Variants in APCDD1L observed in about 807,000 individuals in gnomAD.
APCDD1L encodes protein APCDD1-like.
In APCDD1L, 21 loss-of-function variants were observed where a neutral mutation model predicts 24.2. The ratio of observed to expected loss-of-function variants is 0.87; its 90% CI spans 0.61 to 1.25. The LOEUF (loss-of-function observed/expected upper bound fraction) is 1.25. Ranked by LOEUF, APCDD1L falls within the 50% of genes most tolerant of loss-of-function variation. The pLI, the probability that APCDD1L is intolerant of heterozygous loss-of-function variation, is 0.00. For synonymous variants in APCDD1L, 321 were observed against 323.6 expected, an observed-to-expected ratio of 0.99 and a Z score of 0.09; for missense variants, 704 against 711.7, an observed-to-expected ratio of 0.99 and a Z score of 0.12.
Position 58,461,683 on chromosome 20 carries a change from C to T in APCDD1L, c.742-129G>A. ...GGTGCGGCCTGTCCCTCCCTCCTCT[C>T]TCTCCTCACTCCCTGCCTTCAGTCA... On this transcript the variant is annotated intron_variant, in intron 3 of 3. Transcript: ENST00000371149. The surrounding 1 kb of genome is among the most constrained non-coding windows in gnomAD (Gnocchi z 6.0). 1 of 941,172 alleles carries T rather than the reference C, an allele frequency of 1.1e-6. No homozygotes were observed. The highest frequency in any genetic ancestry group is 1.4e-6 in the Non-Finnish European group (1 of 708,668). The allele number at this position is 941,172 out of a possible 1,614,324, so 58.3% of individuals were successfully genotyped here.
At chr20:58,480,271 C>T (rs1989999139) in intron 1 of APCDD1L, among the ~76,000 whole-genome samples, 1 of 152,210 alleles carries the variant, frequency 6.6e-6, no homozygotes, top group Non-Finnish European at 1.5e-5. Flanking sequence ...AATGTGCCCT[C>T]CTCTGCTCAG....
chr20:58,505,960 C>A (rs1033933337), intron 1 of APCDD1L, among the ~76,000 whole-genome samples: 5 of 152,110 alleles, frequency 3.3e-5, no homozygotes, highest in Non-Finnish European at 7.4e-5. Context: ...CTGGCAAATA[C>A]CAGAAGCTGG....
chr20:58,476,983 G>GT (rs1989922491), intron 1 of APCDD1L, among the ~76,000 whole-genome samples: 1 of 152,140 alleles, frequency 6.6e-6, no homozygotes, highest in Admixed American at 6.5e-5. Flanking sequence ...CTTCTCTCCT[G>GT]TGCAGCACTC....
rs533140176 is a variant in APCDD1L, at chr20:58,477,760, A to G, written c.50-7013T>C. 7.5e-4 allele frequency among the ~76,000 whole-genome samples: 114 copies of G among 152,298 alleles called. 1 individual carries two copies. Among genetic ancestry groups the G allele is most frequent in the Non-Finnish European group, 1.2e-3 (85 of 68,020 alleles). ...TATTGGTGGTGTTTTCCAAATGGTCATTCTCTAGTTCCATCACTCTTTCTG... is the reference window on the plus strand; with the variant it reads ...TATTGGTGGTGTTTTCCAAATGGTCGTTCTCTAGTTCCATCACTCTTTCTG... On this transcript the variant is annotated intron_variant, in intron 1 of 3. Transcript: ENST00000371149.
At chr20:58,505,740 C>T (rs535561700) in intron 1 of APCDD1L, among the ~76,000 whole-genome samples, 1 of 152,028 alleles carries the variant, frequency 6.6e-6, no homozygotes, top group Non-Finnish European at 1.5e-5. Flanking sequence ...CAGATTGTGA[C>T]CTTATTTGGA....
chr20:58,480,899 A>C (rs974607081), intron 1 of APCDD1L, among the ~76,000 whole-genome samples: 2 of 152,230 alleles, frequency 1.3e-5, no homozygotes. Context: ...GAGCCAAGGA[A>C]GCAGGGTGAC....
intron 1 of APCDD1L, among the ~76,000 whole-genome samples, chr20:58,473,609 C>A (rs923471694): frequency 2.6e-5 from 4 of 151,192 alleles, no homozygotes; most frequent in Non-Finnish European, 5.9e-5. Context: ...TCCCCCCCCA[C>A]CCCTTCTCTT....
chr20:58,482,440 G>A (rs545929735), intron 1 of APCDD1L, among the ~76,000 whole-genome samples: 24 of 152,280 alleles, frequency 1.6e-4, no homozygotes, highest in South Asian at 6.2e-4. Context: ...TGCAGACAAG[G>A]TACAGGAAAA....
chr20:58,464,532 C>T (rs1989672859), intron 3 of APCDD1L, among the ~76,000 whole-genome samples: 2 of 152,192 alleles, frequency 1.3e-5, no homozygotes, highest in South Asian at 4.1e-4. Context: ...TGTACAGAAA[C>T]CAAACTCTTA....
intron 1 of APCDD1L, among the ~76,000 whole-genome samples, chr20:58,506,387 G>T (rs1990528726): frequency 6.6e-6 from 1 of 152,212 alleles, no homozygotes; most frequent in African/African-American, 2.4e-5. Flanking sequence ...AGGTCCAAAG[G>T]CTGGAATCTG....
At chr20:58,507,186 A>G (rs928468247) in intron 1 of APCDD1L, among the ~76,000 whole-genome samples, 1 of 152,184 alleles carries the variant, frequency 6.6e-6, no homozygotes, top group Non-Finnish European at 1.5e-5. Flanking sequence ...GTTTCCCTGC[A>G]CAAGTTCTCT....
intron 1 of APCDD1L, among the ~76,000 whole-genome samples, chr20:58,512,557 C>T (rs1822215667): frequency 6.6e-6 from 1 of 152,052 alleles, no homozygotes; most frequent in Non-Finnish European, 1.5e-5. Context: ...AGGTTAAGAA[C>T]CCCTAACGTG....
intron 3 of APCDD1L, among the ~76,000 whole-genome samples, chr20:58,463,211 T>TA (rs1989645367): frequency 6.6e-6 from 1 of 150,450 alleles, no homozygotes; most frequent in South Asian, 2.1e-4. Context: ...GCGAAGGAGA[T>TA]AGTTGAAATC....
At position 58,467,827 on chromosome 20, in the gene APCDD1L, T is replaced by C. The variant is rs1568735887; in HGVS notation, c.189-169A>G. Among the ~76,000 whole-genome samples the C allele has an allele frequency of 1.3e-5, 2 of 152,156 alleles. No individual in the cohort carries two copies. Among genetic ancestry groups the C allele is most frequent in the Admixed American group, 1.3e-4 (2 of 15,278 alleles). On this transcript the variant is annotated intron_variant, in intron 2 of 3. Transcript: ENST00000371149. The surrounding 1 kb of genome is among the most constrained non-coding windows in gnomAD (Gnocchi z 5.9). ...CCTCACTGCTCGCAGTCAGGCACCC[T>C]TGGGGCTGGGGCTTTGCACTGGATG... is the stretch of plus-strand genomic sequence containing the variant.
At chr20:58,474,051 A>G (rs892171860) in intron 1 of APCDD1L, among the ~76,000 whole-genome samples, 2 of 152,218 alleles carry the variant, frequency 1.3e-5, no homozygotes, top group African/African-American at 4.8e-5. Context: ...AAGGACACTC[A>G]CTGAGCACAC....
At chr20:58,513,808 C>T (rs1438657187) in intron 1 of APCDD1L, 1 of 1,041,522 alleles carries the variant, frequency 9.6e-7, no homozygotes, top group African/African-American at 1.7e-5. Context: ...AGCCGATGGC[C>T]ATGCTTACCC....
rs532017178 is a variant in APCDD1L, at chr20:58,492,950, A to AGCAT, written c.49+21705_49+21708dup. 3.0e-3 allele frequency among the ~76,000 whole-genome samples: 454 copies of AGCAT among 152,274 alleles called. 4 individuals carry two copies. The highest frequency in any genetic ancestry group is 0.01 in the African/African-American group (428 of 41,532). ...TACACATGCACTCACACACAATGCA[A>AGCAT]GCATGCATACACACATACACATGCA... On this transcript the variant is annotated intron_variant, in intron 1 of 3. Coordinates refer to ENST00000371149, the MANE Select transcript of APCDD1L (RefSeq NM_153360.3).
chr20:58,510,995 A>G (rs1168985045), intron 1 of APCDD1L, among the ~76,000 whole-genome samples: 1 of 152,234 alleles, frequency 6.6e-6, no homozygotes, highest in African/African-American at 2.4e-5. Context: ...ACTTTAGAGC[A>G]GCATCTGACT....
rs1489280656 is a variant in APCDD1L at position 58,494,655 on chromosome 20, A to G, written c.49+20004T>C. On this transcript the variant is annotated intron_variant, in intron 1 of 3. Coordinates refer to ENST00000371149, the MANE Select transcript of APCDD1L (RefSeq NM_153360.3). The surrounding 1 kb of genome is among the most constrained non-coding windows in gnomAD (Gnocchi z 4.8). ...TGCCTGGCTGTCAACTGTGTTTCAAAGTATACATATACTTTGTAGTCCTCA... is the reference window on the plus strand; with the variant it reads ...TGCCTGGCTGTCAACTGTGTTTCAAGGTATACATATACTTTGTAGTCCTCA... 6.6e-6 allele frequency among the ~76,000 whole-genome samples: 1 copy of G among 152,158 alleles called. No individual in the cohort carries two copies. The highest frequency in any genetic ancestry group is 1.5e-5 in the Non-Finnish European group (1 of 68,036).
Sources: gnomAD v4.1 joint callset for allele counts (sites outside exome capture counted in the v4.1 genomes callset) on GRCh38, gnomAD v4.1.1 for gene constraint, Gnocchi (gnomAD v3.1) non-coding constraint, MANE v1.5 for transcripts, NCBI Gene and HGNC (gene_info 2026-07-23, HGNC 2026-07-21) for gene names.